The following GPC6 variants were observed in gnomAD, a reference collection of about 807,000 sequenced individuals.
GPC6 encodes the protein glypican 6.
A neutral mutation model predicts 55.2 loss-of-function variants in GPC6; 14 were observed. The ratio of observed to expected loss-of-function variants is 0.25; its 90% CI spans 0.17 to 0.40. The LOEUF is 0.40. Among genes scored for constraint, GPC6 ranks in the 10% least tolerant of loss-of-function variants. The pLI, the probability that GPC6 is intolerant of heterozygous loss-of-function variation, is 1.00. For missense variants in GPC6, 641 were observed against 708.5 expected (o/e 0.90, Z 1.08); for synonymous variants, 278 against 259.6 (o/e 1.07, Z -0.68).
chr13:93,252,774 A>G (rs1876829853), intron 1 of GPC6, among the ~76,000 whole-genome samples: 1 of 151,944 alleles, frequency 6.6e-6, no homozygotes, highest in African/African-American at 2.4e-5. Flanking sequence ...ATAATTAAAT[A>G]CTCCTTGGTT....
intron 3 of GPC6, among the ~76,000 whole-genome samples, chr13:93,871,802 T>G (rs1889141027): frequency 6.6e-6 from 1 of 151,952 alleles, no homozygotes; most frequent in Non-Finnish European, 1.5e-5. Context: ...AGAATCAGTT[T>G]GAGTGAAGGA....
intron 4 of GPC6, among the ~76,000 whole-genome samples, chr13:94,229,716 G>C (rs1890664987): frequency 6.6e-6 from 1 of 152,180 alleles, no homozygotes; most frequent in African/African-American, 2.4e-5. Flanking sequence ...CAACCTTGCA[G>C]TTCCACTGCC....
intron 1 of GPC6, among the ~76,000 whole-genome samples, chr13:93,305,244 GT>G: frequency 6.6e-6 from 1 of 151,816 alleles, no homozygotes; most frequent in South Asian, 2.1e-4. Context: ...CCAGGCAGTC[GT>G]TTTTTTTGTG....
chr13:94,100,946 A>G (rs914101697), intron 4 of GPC6, among the ~76,000 whole-genome samples: 1 of 152,342 alleles, frequency 6.6e-6, no homozygotes, highest in Non-Finnish European at 1.5e-5. Context: ...ATTACAGTCA[A>G]TAGGTTGAAA....
chr13:94,087,988 C>T (rs1166518551), intron 4 of GPC6, among the ~76,000 whole-genome samples: 2 of 152,144 alleles, frequency 1.3e-5, no homozygotes, highest in African/African-American at 4.8e-5. Flanking sequence ...GCTTTTGAAC[C>T]TTTTAAAACT....
chr13:93,581,512 A>G (rs1051045312), intron 2 of GPC6, among the ~76,000 whole-genome samples: 1 of 152,176 alleles, frequency 6.6e-6, no homozygotes, highest in Non-Finnish European at 1.5e-5. Context: ...GTTTGAGACC[A>G]GCTTGAGAAA....
intron 2 of GPC6, among the ~76,000 whole-genome samples, chr13:93,643,693 T>G (rs1880055753): frequency 6.6e-6 from 1 of 152,120 alleles, no homozygotes. Context: ...TAAGAATGTC[T>G]GTTTATTTGT....
intron 2 of GPC6, among the ~76,000 whole-genome samples, chr13:93,820,627 A>G (rs946155573): frequency 3.3e-5 from 5 of 151,612 alleles, no homozygotes; most frequent in African/African-American, 1.2e-4. Context: ...AAAAAAAGGA[A>G]ATTGTAATAA....
At chr13:93,926,596 T>C (rs181202520) in intron 3 of GPC6, among the ~76,000 whole-genome samples, 3 of 152,356 alleles carry the variant, frequency 2.0e-5, no homozygotes, top group Non-Finnish European at 4.4e-5. Context: ...ACACATATGT[T>C]TGACTATCCT....
At chr13:93,811,908 C>T (rs990445883) in intron 2 of GPC6, among the ~76,000 whole-genome samples, 1 of 152,126 alleles carries the variant, frequency 6.6e-6, no homozygotes, top group African/African-American at 2.4e-5. Context: ...CATCCCTACC[C>T]TGCAGCCACA....
At chr13:93,843,073 G>A (rs917396902) in intron 3 of GPC6, among the ~76,000 whole-genome samples, 41 of 139,374 alleles carry the variant, frequency 2.9e-4, no homozygotes, top group African/African-American at 1.0e-3. Context: ...CACCTCGGTG[G>A]CACTTCTTTT....
At chr13:93,587,861 C>T (rs111603252) in intron 2 of GPC6, among the ~76,000 whole-genome samples, 7 of 152,204 alleles carry the variant, frequency 4.6e-5, no homozygotes, top group African/African-American at 1.4e-4. Flanking sequence ...TAATGCGTTT[C>T]GAAATTTAAA....
chr13:93,644,965 A>T (rs1174128793), intron 2 of GPC6, among the ~76,000 whole-genome samples: 1 of 152,080 alleles, frequency 6.6e-6, no homozygotes, highest in Non-Finnish European at 1.5e-5. Flanking sequence ...TTCACTTGAG[A>T]ACATTTCAAA....
chr13:94,236,777 T>A (rs899736733), intron 4 of GPC6, among the ~76,000 whole-genome samples: 23 of 152,086 alleles, frequency 1.5e-4, no homozygotes, highest in African/African-American at 5.3e-4. Context: ...CTACAGGGTG[T>A]CGTCTAAACT....
intron 3 of GPC6, among the ~76,000 whole-genome samples, chr13:93,964,734 G>A (rs9284275): frequency 0.2 from 30,511 of 152,106 alleles, 3,330 homozygotes; most frequent in East Asian, 0.39. Context: ...AAGCAATACA[G>A]TGAAAATTCT....
At chr13:93,991,734 A>G (rs1881315641) in intron 3 of GPC6, among the ~76,000 whole-genome samples, 1 of 152,302 alleles carries the variant, frequency 6.6e-6, no homozygotes, top group South Asian at 2.1e-4. Flanking sequence ...AAGGGTGATT[A>G]CTGAGATGTG....
intron 2 of GPC6, among the ~76,000 whole-genome samples, chr13:93,622,379 C>T (rs1036757742): frequency 1.3e-5 from 2 of 152,006 alleles, no homozygotes; most frequent in Non-Finnish European, 1.5e-5. Context: ...ATTGTGTATA[C>T]ATGCCACATT....
chr13:93,395,370 T>G, intron 1 of GPC6: 1 of 386,520 alleles, frequency 2.6e-6, no homozygotes, highest in South Asian at 3.0e-5. Flanking sequence ...GGATGGTATT[T>G]CGGAATGACA....
chr13:94,295,144 A>T (rs79128399), intron 5 of GPC6, among the ~76,000 whole-genome samples: 4,349 of 152,268 alleles, frequency 0.029, 203 homozygotes, highest in African/African-American at 0.095. Context: ...TGAGACTGAC[A>T]TGGGATCTAG....
Sources: allele counts gnomAD v4.1 joint callset (sites outside exome capture counted in the v4.1 genomes callset), GRCh38; gene constraint gnomAD v4.1.1; transcripts MANE v1.5; gene names NCBI Gene and HGNC (gene_info 2026-07-23, HGNC 2026-07-21).